RBFOX1: variants seen among roughly 807,000 people sequenced by gnomAD.
RBFOX1 encodes the protein RNA binding protein fox-1 homolog 1.
Under a neutral mutation model 57.7 loss-of-function variants are expected in RBFOX1, and 8 were observed. The ratio of observed to expected loss-of-function variants is 0.14; its 90% confidence interval spans 0.08 to 0.25. The LOEUF (loss-of-function observed/expected upper bound fraction) is 0.25, where lower values mean the gene tolerates loss of function less well. RBFOX1 is among the 10% of genes least tolerant of loss of function. The pLI, the probability that RBFOX1 is intolerant of heterozygous loss-of-function variation, is 1.00. For missense variants in RBFOX1, 611 were observed against 548.5 expected (o/e 1.11, Z -1.14); for synonymous variants, 326 against 222.4 (o/e 1.47, Z -4.15).
intron 4 of RBFOX1, among the ~76,000 whole-genome samples, chr16:7,468,764 G>C (rs1046345410): frequency 9.2e-5 from 14 of 152,092 alleles, no homozygotes; most frequent in Admixed American, 3.3e-4. Flanking sequence ...AGATTGTCTG[G>C]CTCCTCACCC....
intron 2 of RBFOX1, among the ~76,000 whole-genome samples, chr16:6,368,558 G>A (rs1424724123): frequency 2.0e-5 from 3 of 152,158 alleles, no homozygotes; most frequent in Non-Finnish European, 4.4e-5. Flanking sequence ...TTCCCTGCCT[G>A]TAATTCTTCT....
At chr16:6,200,847 C>T (rs1462822920) in intron 1 of RBFOX1, among the ~76,000 whole-genome samples, 1 of 151,748 alleles carries the variant, frequency 6.6e-6, no homozygotes, top group Non-Finnish European at 1.5e-5. Flanking sequence ...ATTGACGTAG[C>T]AGGTAAGTGT....
chr16:6,770,803 C>T lies in RBFOX1; in HGVS notation c.-16+116153C>T, dbSNP rs530741183. On this transcript the variant is annotated intron_variant, in intron 3 of 15. Transcript: ENST00000550418. ...GTTAAGGAAGTTACTCTTTATATGACAGGGAGGAAATGAGCAATGGAGAGA... is the reference window on the plus strand; with the variant it reads ...GTTAAGGAAGTTACTCTTTATATGATAGGGAGGAAATGAGCAATGGAGAGA... 2.0e-5 allele frequency among the ~76,000 whole-genome samples: 3 copies of T among 152,194 alleles called. No individual in the cohort carries two copies. The South Asian group carries it at 6.2e-4, about 32-fold the overall frequency.
intron 3 of RBFOX1, among the ~76,000 whole-genome samples, chr16:6,758,882 G>T (rs4786929): frequency 0.98 from 148,320 of 152,110 alleles, 72,433 homozygotes; most frequent in Middle Eastern, 1. Context: ...CCTAATAAAA[G>T]TAATGGACTG....
chr16:6,713,297 C>T (rs539256500), intron 3 of RBFOX1, among the ~76,000 whole-genome samples: 154 of 152,036 alleles, frequency 1.0e-3, no homozygotes, highest in Non-Finnish European at 1.7e-3. Context: ...TAACAGTCCC[C>T]CATTGCTCAC....
At chr16:7,574,262 T>G (rs2093087435) in intron 5 of RBFOX1, among the ~76,000 whole-genome samples, 1 of 152,172 alleles carries the variant, frequency 6.6e-6, no homozygotes, top group Admixed American at 6.5e-5. Context: ...AAGACTTAAG[T>G]GTTCTCTTTG....
chr16:6,619,464 G>C (rs1402798029), intron 2 of RBFOX1, among the ~76,000 whole-genome samples: 2 of 152,096 alleles, frequency 1.3e-5, no homozygotes, highest in Non-Finnish European at 2.9e-5. Flanking sequence ...AGTTCAATCA[G>C]TTCTCCCATT....
intron 10 of RBFOX1, among the ~76,000 whole-genome samples, chr16:7,620,093 A>G (rs761681709): frequency 2.0e-5 from 3 of 152,244 alleles, no homozygotes; most frequent in African/African-American, 7.2e-5. Flanking sequence ...CAATAGTTCA[A>G]TAGCTATAAA....
intron 4 of RBFOX1, among the ~76,000 whole-genome samples, chr16:7,387,470 C>A (rs965889710): frequency 6.6e-6 from 1 of 152,126 alleles, no homozygotes; most frequent in African/African-American, 2.4e-5. Flanking sequence ...CATAGATGTA[C>A]AATAGCTGTC....
At chr16:6,629,973 T>TAAA (rs146210467) in intron 2 of RBFOX1, among the ~76,000 whole-genome samples, 2,501 of 129,934 alleles carry the variant, frequency 0.019, 26 homozygotes, top group East Asian at 0.062. Flanking sequence ...TTTTTTTTTT[T>TAAA]AAAAAAAAAA....
At chr16:5,916,528 A>G (rs2058707395) in intron 4 of RBFOX1, among the ~76,000 whole-genome samples, 1 of 152,126 alleles carries the variant, frequency 6.6e-6, no homozygotes, top group Non-Finnish European at 1.5e-5. Flanking sequence ...GTAGGGGCCT[A>G]TGTGCCCAGC....
chr16:5,451,596 A>G (rs2068427530), intron 1 of RBFOX1, among the ~76,000 whole-genome samples: 1 of 152,198 alleles, frequency 6.6e-6, no homozygotes, highest in South Asian at 2.1e-4. Flanking sequence ...GCAGATAGAA[A>G]CAGAAATGAC....
chr16:5,614,137 A>C (rs992674923), intron 3 of RBFOX1, among the ~76,000 whole-genome samples: 4 of 152,242 alleles, frequency 2.6e-5, no homozygotes, highest in African/African-American at 9.6e-5. Context: ...GACTCCCTCT[A>C]GGTTGGGAGG....
chr16:5,251,029 G>A (rs1015540371), intron 1 of RBFOX1, among the ~76,000 whole-genome samples: 7 of 152,220 alleles, frequency 4.6e-5, no homozygotes, highest in African/African-American at 1.2e-4. Flanking sequence ...TGGCACGACC[G>A]CCCCTCTTTC....
intron 4 of RBFOX1, among the ~76,000 whole-genome samples, chr16:7,253,306 G>A (rs565329255): frequency 2.4e-4 from 37 of 152,262 alleles, no homozygotes; most frequent in Non-Finnish European, 4.7e-4. Context: ...TCAGAAATTC[G>A]TGTTGATGTC....
At position 6,926,928 on chromosome 16, in the gene RBFOX1, C is replaced by G. The variant is rs537199990; in HGVS notation, c.-15-125129C>G. Among the ~76,000 whole-genome samples, 463 of 152,234 alleles carry G rather than the reference C, an allele frequency of 3.0e-3. 1 individual carries two copies. Among genetic ancestry groups the G allele is most frequent in the Non-Finnish European group, 5.1e-3 (346 of 68,016 alleles). Reference sequence around the variant, plus strand: ...TCCCTCAGGGCCTGGGTTTTGTTGTCACTGCTGGAATGCAGTTGCTCCTCC... The same window carrying G: ...TCCCTCAGGGCCTGGGTTTTGTTGTGACTGCTGGAATGCAGTTGCTCCTCC... On this transcript the variant is annotated intron_variant, in intron 3 of 15. Coordinates refer to ENST00000550418, the MANE Select transcript of RBFOX1 (RefSeq NM_018723.4).
chr16:7,000,384 A>C (rs2092675955), intron 3 of RBFOX1, among the ~76,000 whole-genome samples: 1 of 151,942 alleles, frequency 6.6e-6, no homozygotes, highest in Admixed American at 6.6e-5. Context: ...ACCACCTCCA[A>C]CTCAGTGTTT....
chr16:6,406,578 A>ATT (rs112009529), intron 2 of RBFOX1, among the ~76,000 whole-genome samples: 10 of 140,830 alleles, frequency 7.1e-5, no homozygotes, highest in East Asian at 6.2e-4. Flanking sequence ...GAAGTCGAAC[A>ATT]TTTTTTTTTT....
At chr16:6,262,332 G>C (rs1444528596) in intron 1 of RBFOX1, among the ~76,000 whole-genome samples, 1 of 152,136 alleles carries the variant, frequency 6.6e-6, no homozygotes, top group Non-Finnish European at 1.5e-5. Flanking sequence ...CCCGAAATTA[G>C]TCACATGGGT....
Sources: allele counts gnomAD v4.1 joint callset (sites outside exome capture counted in the v4.1 genomes callset), GRCh38; gene constraint gnomAD v4.1.1; transcripts MANE v1.5; gene names NCBI Gene and HGNC (gene_info 2026-07-23, HGNC 2026-07-21).